Variants in EEF1D observed in about 807,000 individuals in gnomAD.
EEF1D encodes the protein eukaryotic translation elongation factor 1 delta, also known as elongation factor 1-delta.
In EEF1D, 47 loss-of-function variants were observed where a neutral mutation model predicts 63.9. That is an observed-to-expected ratio of 0.74 (90% CI 0.58 to 0.94). EEF1D has a LOEUF of 0.94. Among genes scored for constraint, EEF1D ranks in the 40% least tolerant of loss-of-function variants. The pLI is 0.00. For synonymous variants in EEF1D, 412 were observed against 386.1 expected (o/e 1.07, Z -0.79); for missense variants, 907 against 899.0 (o/e 1.01, Z -0.11).
At position 143,589,589 on chromosome 8, in the gene EEF1D, C is replaced by G; in HGVS notation, c.493G>C (p.Val165Leu). ...GCCTGGTCGAAGGAGGACTTGTTGACCCAGATCCCCCAGGTCACGTGGTGG... is the reference window on the plus strand; with the variant it reads ...GCCTGGTCGAAGGAGGACTTGTTGAGCCAGATCCCCCAGGTCACGTGGTGG... ...ACHHVTWGIW[V>L]NKSSFDQAER... Residue 165 changes from valine (V) to leucine (L), a missense_variant, in exon 3 of 10, where the codon GTC becomes CTC. Transcript: ENST00000618139. 1 of 1,521,860 alleles carries G rather than the reference C, an allele frequency of 6.6e-7. No individual in the cohort carries two copies. Among genetic ancestry groups the G allele is most frequent in the Non-Finnish European group, 8.8e-7 (1 of 1,134,040 alleles). The allele number at this position is 1,521,860 out of a possible 1,614,324, so 94.3% of individuals were successfully genotyped here.
intron 7 of EEF1D, 139 bp downstream of exon 7, chr8:143,580,914 TA>T: frequency 8.5e-7 from 1 of 1,176,208 alleles, no homozygotes; most frequent in Non-Finnish European, 1.2e-6. Context: ...GGGCTAACTG[TA>T]AACCTTCCTG....
At chr8:143,593,477 C>A (rs1445138008) in intron 1 of EEF1D, among the ~76,000 whole-genome samples, 4 of 152,228 alleles carry the variant, frequency 2.6e-5, no homozygotes, top group African/African-American at 7.2e-5. Context: ...TACTGCTGAT[C>A]AACCCGAGAG....
At chr8:143,588,442 C>T (rs1476222155) in intron 3 of EEF1D, among the ~76,000 whole-genome samples, 1 of 152,240 alleles carries the variant, frequency 6.6e-6, no homozygotes, top group Non-Finnish European at 1.5e-5. Flanking sequence ...ACAGACGGGG[C>T]ACCCTGGGAT....
intron 5 of EEF1D, 184 bp from the exon 6 acceptor site, chr8:143,581,512 A>C: frequency 1.7e-6 from 1 of 600,646 alleles, no homozygotes; most frequent in Non-Finnish European, 2.9e-6. Flanking sequence ...ACCACAGTGA[A>C]ATTCTCAGCC....
intron 4 of EEF1D, 65 bp downstream of exon 4, chr8:143,586,664 T>TTG: frequency 6.3e-7 from 1 of 1,584,494 alleles, no homozygotes; most frequent in Non-Finnish European, 8.6e-7. Context: ...TGAATCCGCT[T>TTG]TGTGTGCCCC....
At chr8:143,580,456 G>T (rs193071723) in intron 8 of EEF1D, 50 bp downstream of exon 8, 2 of 1,580,258 alleles carry the variant, frequency 1.3e-6, no homozygotes, top group East Asian at 2.2e-5. Context: ...CCGGCTAGGC[G>T]GGCACCAGGG....
intron 5 of EEF1D, among the ~76,000 whole-genome samples, chr8:143,585,790 T>C (rs913681505): frequency 6.6e-6 from 1 of 152,178 alleles, no homozygotes; most frequent in Non-Finnish European, 1.5e-5. Context: ...GGCTCTGAAC[T>C]CCTTGCGCCT....
chr8:143,588,343 T>C (rs1827121527), intron 3 of EEF1D, among the ~76,000 whole-genome samples: 1 of 152,032 alleles, frequency 6.6e-6, no homozygotes, highest in Admixed American at 6.5e-5. Context: ...CCAAGTCCAA[T>C]CGTCCACCCA....
intron 8 of EEF1D, 119 bp downstream of exon 8, chr8:143,580,387 A>G: frequency 7.4e-7 from 1 of 1,343,890 alleles, no homozygotes; most frequent in Non-Finnish European, 1.0e-6. Flanking sequence ...CAAGACTTCT[A>G]AACTCGGCTT....
At position 143,589,194 on chromosome 8, in the gene EEF1D, C is replaced by T. The variant is rs754963743; in HGVS notation, c.888G>A (p.Gly296=). 2 of 1,593,444 alleles carry T rather than the reference C, an allele frequency of 1.3e-6. No homozygotes were observed. Among genetic ancestry groups the T allele is most frequent in the South Asian group, 2.2e-5 (2 of 88,998 alleles). The change falls in exon 3 of 10, where the codon GGG becomes GGA. Residue 296 remains glycine, a synonymous_variant. Transcript: ENST00000618139. ...AGTAGGGCAAGGCAGAGGGGGCCTC[C>T]CCATCGGCCCGTCGCAGCCCGGCCC... ...NKRAGLRRAD[G]EAPSALPYCY...
rs1476091291 is a variant in EEF1D, at chr8:143,586,860, G to A, written c.1092-8C>T. 6.2e-7 allele frequency: 1 copy of A among 1,613,394 alleles called. No homozygotes were observed. Among genetic ancestry groups the A allele is most frequent in the Non-Finnish European group, 8.5e-7 (1 of 1,179,366 alleles). On this transcript the variant is annotated splice_region_variant and splice_polypyrimidine_tract_variant and intron_variant, in intron 3 of 9. Transcript: ENST00000618139. ...TTTGTAGCCATTTTTCTGCTGGGAG[G>A]GGAAAGAGGCAAAGTCAGCATGGCT...
chr8:143,587,345 T>C (rs561652044), intron 3 of EEF1D: 1 of 152,638 alleles, frequency 6.6e-6, no homozygotes, highest in South Asian at 2.1e-4. Context: ...TTTTTTTTTG[T>C]GTGAGATGGA....
At chr8:143,595,094 G>A (rs536025813) in intron 1 of EEF1D, among the ~76,000 whole-genome samples, 32 of 151,970 alleles carry the variant, frequency 2.1e-4, no homozygotes, top group African/African-American at 6.5e-4. Flanking sequence ...TTTTTGAGAC[G>A]GAGCCTCACT....
At chr8:143,579,963 C>CAGGG in intron 9 of EEF1D, 49 bp downstream of exon 9, 2 of 1,590,032 alleles carry the variant, frequency 1.3e-6, no homozygotes, top group Non-Finnish European at 1.7e-6. Context: ...GGGTATGGGC[C>CAGGG]AGGGTCCCCA....
chr8:143,594,761 G>A (rs1218616478), intron 1 of EEF1D, among the ~76,000 whole-genome samples: 2 of 152,218 alleles, frequency 1.3e-5, no homozygotes, highest in African/African-American at 4.8e-5. Context: ...CTGCCTGATA[G>A]AACTTTCAGT....
At chr8:143,590,426 A>T (rs1200243957) in intron 2 of EEF1D, 2 of 673,942 alleles carry the variant, frequency 3.0e-6, no homozygotes, top group Non-Finnish European at 4.6e-6. Flanking sequence ...TACTTACACT[A>T]AAAATTTTTC....
chr8:143,597,015 G>C (rs764241649), intron 1 of EEF1D: 1 of 152,238 alleles, frequency 6.6e-6, no homozygotes, highest in Non-Finnish European at 1.5e-5. Context: ...GCAGATGTCT[G>C]GTCTCCCACG....
chr8:143,593,378 G>T (rs1828290237), intron 1 of EEF1D, among the ~76,000 whole-genome samples: 1 of 152,198 alleles, frequency 6.6e-6, no homozygotes, highest in Non-Finnish European at 1.5e-5. Context: ...CATAAACCCT[G>T]CAAGCTCTGC....
intron 5 of EEF1D, among the ~76,000 whole-genome samples, chr8:143,585,007 G>A (rs1034925404): frequency 2.0e-5 from 3 of 152,142 alleles, no homozygotes; most frequent in African/African-American, 7.2e-5. Context: ...ATGCCTGATT[G>A]GATGGGATTC....
Sources: allele counts gnomAD v4.1 joint callset (sites outside exome capture counted in the v4.1 genomes callset), GRCh38; gene constraint gnomAD v4.1.1; transcripts MANE v1.5; gene names NCBI Gene and HGNC (gene_info 2026-07-23, HGNC 2026-07-21).